Variants in EHHADH observed in about 807,000 individuals in gnomAD.
EHHADH encodes the protein peroxisomal bifunctional enzyme.
EHHADH carries 48 observed loss-of-function variants against 64.4 expected under a neutral mutation model. The ratio of observed to expected loss-of-function variants is 0.75; its 90% CI spans 0.59 to 0.95. The LOEUF (loss-of-function observed/expected upper bound fraction) is 0.95, where lower values mean the gene tolerates loss of function less well. Ranked by LOEUF, EHHADH falls within the 40% of genes least tolerant of loss-of-function variation. The pLI, the probability that EHHADH is intolerant of heterozygous loss-of-function variation, is 0.00. For missense variants in EHHADH, 854 were observed against 876.6 expected, an observed-to-expected ratio of 0.97 and a Z score of 0.33; for synonymous variants, 308 against 326.7, an observed-to-expected ratio of 0.94 and a Z score of 0.62.
At chr3:185,194,118 C>T (rs564814423) in intron 6 of EHHADH, among the ~76,000 whole-genome samples, 2 of 152,218 alleles carry the variant, frequency 1.3e-5, no homozygotes, top group Admixed American at 6.5e-5. Context: ...AGAGCCAAAA[C>T]AATACTGAAA....
intron 5 of EHHADH, among the ~76,000 whole-genome samples, chr3:185,214,004 A>T (rs1270263611): frequency 1.3e-5 from 2 of 152,226 alleles, no homozygotes; most frequent in Non-Finnish European, 2.9e-5. Flanking sequence ...CTTAAATTAT[A>T]AATTTGGTAA....
chr3:185,221,521 C>A (rs969785802), intron 4 of EHHADH, among the ~76,000 whole-genome samples: 1 of 151,922 alleles, frequency 6.6e-6, no homozygotes, highest in Non-Finnish European at 1.5e-5. Context: ...AAATCATCCC[C>A]CCATTTAAAG....
chr3:185,228,603 G>A (rs1037915240), intron 4 of EHHADH, among the ~76,000 whole-genome samples: 9 of 150,306 alleles, frequency 6.0e-5, no homozygotes, highest in South Asian at 2.1e-4. Context: ...ACTTGAACCC[G>A]GGAGGTGGAG....
intron 5 of EHHADH, among the ~76,000 whole-genome samples, chr3:185,217,728 C>A (rs892196829): frequency 4.0e-5 from 6 of 150,050 alleles, no homozygotes; most frequent in African/African-American, 7.4e-5. Context: ...CCAATTAAAT[C>A]TTTTTTTCTT....
Position 185,192,165 on chromosome 3 carries a change from C to T in EHHADH, c.*61G>A, listed in dbSNP as rs145361673. 998 of 1,498,388 alleles carry T rather than the reference C, an allele frequency of 6.7e-4. 8 individuals are homozygous for T. In the African/African-American group the frequency reaches 0.011, roughly 17 times the overall value. The allele number at this position is 1,498,388 out of a possible 1,614,324, so 92.8% of individuals were successfully genotyped here. A position where few individuals can be genotyped will look rare whatever the true frequency, so the allele number is the denominator to read the frequency against. ...TTACTTTGGATTTTTGATTTAATTT[C>T]ACTGAAATTCAGTCAGCATTACCTG... is the stretch of plus-strand genomic sequence containing the variant. On this transcript the variant is annotated 3_prime_UTR_variant, in exon 7 of 7. Coordinates refer to ENST00000231887, the MANE Select transcript of EHHADH (RefSeq NM_001966.4).
At chr3:185,237,380 C>T (rs1719325090) in intron 2 of EHHADH, among the ~76,000 whole-genome samples, 1 of 152,022 alleles carries the variant, frequency 6.6e-6, no homozygotes, top group Non-Finnish European at 1.5e-5. Flanking sequence ...ACTGGTTTAT[C>T]AAGAACCTTG....
intron 5 of EHHADH, among the ~76,000 whole-genome samples, chr3:185,206,081 C>T (rs966319088): frequency 5.9e-5 from 9 of 152,000 alleles, no homozygotes; most frequent in Non-Finnish European, 1.2e-4. Context: ...CGATCTCAAA[C>T]GTGGTTTATT....
chr3:185,203,821 C>A (rs1204551278), intron 6 of EHHADH, among the ~76,000 whole-genome samples: 1 of 152,024 alleles, frequency 6.6e-6, no homozygotes, highest in Non-Finnish European at 1.5e-5. Flanking sequence ...ATGAGAGATT[C>A]ATACAGGGAA....
chr3:185,206,839 G>GA (rs368935039), intron 5 of EHHADH, among the ~76,000 whole-genome samples: 1,921 of 132,648 alleles, frequency 0.014, 13 homozygotes, highest in Non-Finnish European at 0.015. Context: ...AAAAAAAACA[G>GA]AAAAAAAAAA....
chr3:185,204,111 T>TTTTGA (rs1718304531), intron 6 of EHHADH, among the ~76,000 whole-genome samples: 1 of 115,360 alleles, frequency 8.7e-6, no homozygotes, highest in African/African-American at 3.5e-5. Context: ...CCTGCCTGGG[T>TTTTGA]GACAGAACAA....
At chr3:185,234,178 T>C (rs1719219034) in intron 3 of EHHADH, among the ~76,000 whole-genome samples, 1 of 152,196 alleles carries the variant, frequency 6.6e-6, no homozygotes, top group South Asian at 2.1e-4. Context: ...CACCATTATA[T>C]ATACTGTGAT....
At chr3:185,232,323 G>A (rs1577370902) in intron 3 of EHHADH, among the ~76,000 whole-genome samples, 2 of 152,140 alleles carry the variant, frequency 1.3e-5, no homozygotes, top group Non-Finnish European at 2.9e-5. Context: ...CACAGAAAAG[G>A]AGCACTTAGG....
In EHHADH at chr3:185,245,829, G is replaced by C. The variant is rs765948718; in HGVS notation, c.178+2585C>G. 4 of 804,802 alleles carry C rather than the reference G, an allele frequency of 5.0e-6. No homozygotes were observed. The African/African-American group carries it at 5.1e-5, about 10-fold the overall frequency. 49.9% of individuals were successfully genotyped at this position (804,802 alleles called of 1,614,324 possible). A position where few individuals can be genotyped will look rare whatever the true frequency, so the allele number is the denominator to read the frequency against. ...TTGGTTCCTACTCAGACGACCTGTG[G>C]AGGTTGCATAACGAATTTCTTTTTC... On this transcript the variant is annotated intron_variant, in intron 2 of 6. Transcript: ENST00000231887.
In EHHADH at chr3:185,254,027, C is replaced by T. The variant is rs1419935424; in HGVS notation, c.-5G>A. The T allele has an allele frequency of 6.2e-7, 1 of 1,613,494 alleles. No homozygotes were observed. On this transcript the variant is annotated 5_prime_UTR_variant, in exon 1 of 7. Transcript: ENST00000231887. ...CAGCCGCGTATACTCGGCCATGTTT[C>T]CTCTATCACCGAGGGCACCTCTGCC...
At chr3:185,232,636 C>A (rs1010758551) in intron 3 of EHHADH, among the ~76,000 whole-genome samples, 1 of 152,038 alleles carries the variant, frequency 6.6e-6, no homozygotes, top group African/African-American at 2.4e-5. Context: ...TTAGTAGAGG[C>A]GGGATTTCTC....
chr3:185,196,017 TTTC>T (rs1718052431), intron 6 of EHHADH, among the ~76,000 whole-genome samples: 1 of 152,218 alleles, frequency 6.6e-6, no homozygotes, highest in South Asian at 2.1e-4. Flanking sequence ...TATACACATC[TTTC>T]TTATCTCCTC....
At chr3:185,201,107 G>C (rs1718209111) in intron 6 of EHHADH, among the ~76,000 whole-genome samples, 1 of 152,170 alleles carries the variant, frequency 6.6e-6, no homozygotes, top group Non-Finnish European at 1.5e-5. Flanking sequence ...AGTGAAGAGA[G>C]GGGTTTCAGA....
In EHHADH at chr3:185,235,344, G is replaced by A. The variant is rs555441588; in HGVS notation, c.297C>T (p.Phe99=). 2.2e-5 allele frequency: 35 copies of A among 1,613,842 alleles called. No homozygotes were observed. The highest frequency in any genetic ancestry group is 3.3e-4 in the Middle Eastern group (2 of 6,042). The change falls in exon 3 of 7, where the codon TTC becomes TTT. Residue 99 remains phenylalanine (F), a synonymous_variant. Coordinates refer to ENST00000231887, the MANE Select transcript of EHHADH (RefSeq NM_001966.4). ...CCAGGGCCAGCTCTAGTCCCCCTCC[G>A]AAAGCCATGCCTTGGATTGCTGCCA... ...PVVAAIQGMA[F]GGGLELALGC...
chr3:185,252,394 G>A (rs1004751669), intron 1 of EHHADH, among the ~76,000 whole-genome samples: 2 of 149,750 alleles, frequency 1.3e-5, no homozygotes, highest in African/African-American at 2.5e-5. Context: ...GCAAGACTCC[G>A]TCTCAAAACA....
Sources: gnomAD v4.1 joint callset for allele counts (sites outside exome capture counted in the v4.1 genomes callset) on GRCh38, gnomAD v4.1.1 for gene constraint, MANE v1.5 for transcripts, NCBI Gene and HGNC (gene_info 2026-07-23, HGNC 2026-07-21) for gene names.